Variants in FAM174B observed in about 807,000 individuals in gnomAD.
The protein encoded by FAM174B is membrane protein FAM174B.
FAM174B carries 12 observed loss-of-function variants against 10.9 expected under a neutral mutation model. The ratio of observed to expected loss-of-function variants is 1.10; its 90% CI spans 0.71 to 1.79. The LOEUF is 1.79. Among genes scored for constraint, FAM174B ranks in the 40% most tolerant of loss-of-function variants. FAM174B has a pLI of 0.00. For synonymous variants in FAM174B, 132 were observed against 115.8 expected (o/e 1.14, Z -0.90); for missense variants, 266 against 233.3 (o/e 1.14, Z -0.91).
chr15:92,655,152 A>T, intron 1 of FAM174B, 164 bp downstream of exon 1: 4 of 983,242 alleles, frequency 4.1e-6, no homozygotes, highest in Non-Finnish European at 5.5e-6. Flanking sequence ...AGACGAGCAC[A>T]CCCCGGCCCC....
chr15:92,642,527 G>T (rs2141961049), intron 1 of FAM174B, among the ~76,000 whole-genome samples: 1 of 152,304 alleles, frequency 6.6e-6, no homozygotes, highest in East Asian at 1.9e-4. Context: ...TTATGGGGGT[G>T]GTTCCCCCAT....
Position 92,619,059 on chromosome 15 carries a change from A to T in FAM174B, c.*397T>A, listed in dbSNP as rs984434960. 4.9e-6 allele frequency: 3 copies of T among 612,434 alleles called. No homozygotes were observed. In the African/African-American group the frequency reaches 5.5e-5, roughly 11 times the overall value. 37.9% of individuals were successfully genotyped at this position (612,434 alleles called of 1,614,324 possible). ...TCGGAAATTCTAAATACACAGTTGGACATCCTTCAGGCTTGTTTTAGATTC... is the reference window on the plus strand; with the variant it reads ...TCGGAAATTCTAAATACACAGTTGGTCATCCTTCAGGCTTGTTTTAGATTC... On this transcript the variant is annotated 3_prime_UTR_variant, in exon 3 of 3. Coordinates refer to ENST00000327355, the MANE Select transcript of FAM174B (RefSeq NM_207446.3).
chr15:92,637,872 G>A (rs547570124), intron 1 of FAM174B, among the ~76,000 whole-genome samples: 1 of 152,278 alleles, frequency 6.6e-6, no homozygotes, highest in East Asian at 1.9e-4. Context: ...AAAGACACAC[G>A]CAGCTCAAGG....
chr15:92,647,749 T>C (rs1233707366), intron 1 of FAM174B, among the ~76,000 whole-genome samples: 1 of 152,204 alleles, frequency 6.6e-6, no homozygotes, highest in African/African-American at 2.4e-5. Flanking sequence ...TGGTTTGAAA[T>C]GGCCCTGCAA....
intron 1 of FAM174B, among the ~76,000 whole-genome samples, chr15:92,648,572 T>TC (rs1311798193): frequency 6.6e-6 from 1 of 152,164 alleles, no homozygotes; most frequent in Non-Finnish European, 1.5e-5. Context: ...GTCCTATTTT[T>TC]CCTACAAACT....
chr15:92,651,104 C>T (rs1310083224), intron 1 of FAM174B, among the ~76,000 whole-genome samples: 1 of 152,146 alleles, frequency 6.6e-6, no homozygotes. Flanking sequence ...CAAAATAAAG[C>T]AATGAATACC....
chr15:92,645,351 C>T (rs879859316), intron 1 of FAM174B, among the ~76,000 whole-genome samples: 22 of 152,320 alleles, frequency 1.4e-4, no homozygotes, highest in Admixed American at 5.2e-4. Context: ...TGGGGGCTTA[C>T]GCTTCATAGA....
chr15:92,647,430 GC>G (rs2050935656), intron 1 of FAM174B, among the ~76,000 whole-genome samples: 1 of 152,136 alleles, frequency 6.6e-6, no homozygotes, highest in Non-Finnish European at 1.5e-5. Context: ...CAAGCCATAA[GC>G]CAAAAATAAA....
At chr15:92,640,161 A>G (rs1051200956) in intron 1 of FAM174B, among the ~76,000 whole-genome samples, 3 of 152,248 alleles carry the variant, frequency 2.0e-5, no homozygotes, top group Admixed American at 2.0e-4. Context: ...TGTAGAAAAT[A>G]AAACCATAGA....
intron 1 of FAM174B, among the ~76,000 whole-genome samples, chr15:92,650,866 T>C (rs1010225501): frequency 1.3e-5 from 2 of 152,196 alleles, no homozygotes; most frequent in African/African-American, 2.4e-5. Flanking sequence ...CCACACCAGG[T>C]ACCTGTAGGA....
intron 1 of FAM174B, among the ~76,000 whole-genome samples, chr15:92,640,386 T>C (rs2050882716): frequency 6.6e-6 from 1 of 151,688 alleles, no homozygotes; most frequent in African/African-American, 2.4e-5. Flanking sequence ...ACCCCATCTC[T>C]ACCAAAAATA....
At chr15:92,628,035 T>C (rs2050765244) in intron 2 of FAM174B, among the ~76,000 whole-genome samples, 1 of 152,198 alleles carries the variant, frequency 6.6e-6, no homozygotes, top group Admixed American at 6.5e-5. Flanking sequence ...TTTGCGTGTA[T>C]CCTATGCACA....
At chr15:92,637,990 G>C (rs1278332634) in intron 1 of FAM174B, among the ~76,000 whole-genome samples, 1 of 152,210 alleles carries the variant, frequency 6.6e-6, no homozygotes, top group Non-Finnish European at 1.5e-5. Context: ...ACTGGGTGGT[G>C]CTGGGGGCCA....
chr15:92,619,012 G>A lies in FAM174B; in HGVS notation c.*444C>T, dbSNP rs557104496. On this transcript the variant is annotated 3_prime_UTR_variant, in exon 3 of 3. Coordinates refer to ENST00000327355, the MANE Select transcript of FAM174B (RefSeq NM_207446.3). ...CAAAGGATCAGATGGGGTCCAATGT[G>A]TAGATCCAGTAGAGAAGAATGTCGG... 12 of 601,996 alleles carry A rather than the reference G, an allele frequency of 2.0e-5. No homozygotes were observed. In the South Asian group the frequency reaches 2.0e-4, roughly 10 times the overall value. 37.3% of individuals were successfully genotyped at this position (601,996 alleles called of 1,614,324 possible).
intron 1 of FAM174B, among the ~76,000 whole-genome samples, chr15:92,649,723 T>C (rs1413435029): frequency 2.0e-5 from 3 of 152,186 alleles, no homozygotes; most frequent in Non-Finnish European, 2.9e-5. Context: ...CCCTTGACAT[T>C]TGGGGCTCCC....
intron 2 of FAM174B, 98 bp downstream of exon 2, chr15:92,630,116 A>G (rs2050780924): frequency 7.8e-7 from 1 of 1,283,378 alleles, no homozygotes; most frequent in African/African-American, 1.5e-5. Context: ...CCAACACTTC[A>G]CTAAAAAACA....
At chr15:92,626,167 T>C (rs182341969) in intron 2 of FAM174B, among the ~76,000 whole-genome samples, 1,011 of 91,924 alleles carry the variant, frequency 0.011, 10 homozygotes, top group African/African-American at 0.043. Flanking sequence ...GGCGCGATCT[T>C]GGCTCACTGC....
In FAM174B at chr15:92,630,812, T is replaced by A. The variant is rs1253853946; in HGVS notation, c.345-467A>T. On this transcript the variant is annotated intron_variant, in intron 1 of 2. Transcript: ENST00000327355. Reference sequence around the variant, plus strand: ...TTACATATTACATATTATATATATTTTATATATTACATATTATATATTATA... The same window carrying A: ...TTACATATTACATATTATATATATTATATATATTACATATTATATATTATA... 1.2e-3 allele frequency among the ~76,000 whole-genome samples: 32 copies of A among 27,056 alleles called. 8 individuals are homozygous for A. Among genetic ancestry groups the A allele is most frequent in the African/African-American group, 2.2e-3 (32 of 14,882 alleles). The allele number at this position is 27,056 out of a possible 152,430, so 17.7% of individuals were successfully genotyped here.
intron 1 of FAM174B, among the ~76,000 whole-genome samples, chr15:92,642,556 A>G (rs2050898593): frequency 1.3e-5 from 2 of 152,212 alleles, no homozygotes; most frequent in Admixed American, 6.5e-5. Flanking sequence ...CATGATAGTG[A>G]GTTCTCACAA....
Sources: allele counts gnomAD v4.1 joint callset (sites outside exome capture counted in the v4.1 genomes callset), GRCh38; gene constraint gnomAD v4.1.1; transcripts MANE v1.5; gene names NCBI Gene and HGNC (gene_info 2026-07-23, HGNC 2026-07-21).